HLCS: variants seen among roughly 807,000 people sequenced by gnomAD.
HLCS encodes the protein biotin--protein ligase.
Under a neutral mutation model 75.0 loss-of-function variants are expected in HLCS, and 53 were observed. The ratio of observed to expected loss-of-function variants is 0.71; its 90% confidence interval spans 0.57 to 0.89. The LOEUF is 0.89. Ranked by LOEUF, HLCS falls within the 40% of genes least tolerant of loss-of-function variation. The pLI is 0.00. For synonymous variants in HLCS, 431 were observed against 428.6 expected (o/e 1.01, Z -0.07); for missense variants, 966 against 1,074.0 (o/e 0.90, Z 1.41).
At chr21:36,843,713 T>A (rs2062697646) in intron 6 of HLCS, among the ~76,000 whole-genome samples, 1 of 152,058 alleles carries the variant, frequency 6.6e-6, no homozygotes, top group Admixed American at 6.6e-5. Flanking sequence ...TTCTAAAATG[T>A]CAAACTAGGC....
intron 5 of HLCS, among the ~76,000 whole-genome samples, chr21:36,929,737 A>C (rs1601776783): frequency 6.6e-6 from 1 of 152,348 alleles, no homozygotes; most frequent in Middle Eastern, 3.4e-3. Flanking sequence ...CCTGCCCAAA[A>C]CCAGGTATCA....
At chr21:36,887,368 C>T (rs1425340318) in intron 6 of HLCS, among the ~76,000 whole-genome samples, 1 of 152,162 alleles carries the variant, frequency 6.6e-6, no homozygotes, top group East Asian at 1.9e-4. Flanking sequence ...AAATAGAACA[C>T]ATTATCACTA....
chr21:36,856,049 C>T (rs2063180875), intron 6 of HLCS, among the ~76,000 whole-genome samples: 1 of 152,080 alleles, frequency 6.6e-6, no homozygotes, highest in Non-Finnish European at 1.5e-5. Flanking sequence ...GATGGTGACA[C>T]CCAGGGCTGG....
intron 6 of HLCS, among the ~76,000 whole-genome samples, chr21:36,871,880 A>G (rs8131323): frequency 0.49 from 74,072 of 152,060 alleles, 20,276 homozygotes; most frequent in African/African-American, 0.75. Flanking sequence ...TACAATAAGT[A>G]TAATCATCCT....
chr21:36,970,910 C>G (rs1212472047), upstream of HLCS, among the ~76,000 whole-genome samples: 2 of 150,976 alleles, frequency 1.3e-5, no homozygotes, highest in East Asian at 3.9e-4. Flanking sequence ...AGGAGAATGG[C>G]GTGAACCCAG....
At chr21:36,791,372 C>T (rs2060859027) in intron 6 of HLCS, among the ~76,000 whole-genome samples, 1 of 152,198 alleles carries the variant, frequency 6.6e-6, no homozygotes, top group African/African-American at 2.4e-5. Flanking sequence ...TGCTCACCAA[C>T]TGCCAAGTTC....
upstream of HLCS, chr21:36,968,449 A>G (rs983505744): frequency 2.2e-4 from 34 of 152,248 alleles, no homozygotes; most frequent in African/African-American, 8.0e-4. Flanking sequence ...GAGAAAATCC[A>G]AAAAGAAATA....
chr21:36,756,885 T>A, intron 9 of HLCS, 130 bp from the exon 10 acceptor site: 1 of 1,548,172 alleles, frequency 6.5e-7, no homozygotes, highest in Non-Finnish European at 8.7e-7. Context: ...AGATTTCGTG[T>A]CTCTAACCAC....
At chr21:36,754,621 G>A (rs1425838015) in intron 10 of HLCS, among the ~76,000 whole-genome samples, 1 of 152,182 alleles carries the variant, frequency 6.6e-6, no homozygotes, top group Non-Finnish European at 1.5e-5. Flanking sequence ...ATAACCAGCA[G>A]GATGCAAGTT....
intron 2 of HLCS, among the ~76,000 whole-genome samples, chr21:36,961,461 A>G: frequency 6.6e-6 from 1 of 152,140 alleles, no homozygotes; most frequent in South Asian, 2.1e-4. Flanking sequence ...TTGAGGCTTC[A>G]GTGAGCTATA....
chr21:36,914,717 G>A (rs2065857004), intron 5 of HLCS, among the ~76,000 whole-genome samples: 1 of 152,234 alleles, frequency 6.6e-6, no homozygotes, highest in African/African-American at 2.4e-5. Context: ...GAGAAAGCCA[G>A]GGTTGGCTCT....
rs149736764 is a variant in HLCS, at chr21:36,765,020, C to T, written c.2113G>A (p.Glu705Lys). Reference sequence around the variant, plus strand: ...GACTGAACTGTACCTACCTGATACTCGGGAATGGACCTCACTGCTTCCACG... The same window carrying T: ...GACTGAACTGTACCTACCTGATACTTGGGAATGGACCTCACTGCTTCCACG... The part of the protein sequence containing the change: ...AVVEAVRSIP[E>K]YQDINLRVKW... The change falls in exon 8 of 11, where the codon GAG (glutamate) becomes AAG (lysine). Residue 705 changes from glutamate to lysine, a missense_variant. By Grantham distance (56) the Glu-to-Lys change is moderately conservative. Coordinates refer to ENST00000674895, the MANE Select transcript of HLCS (RefSeq NM_001352514.2). 3,018 of 1,614,196 alleles carry T rather than the reference C, an allele frequency of 1.9e-3. 15 individuals are homozygous for T. The highest frequency in any genetic ancestry group is 0.012 in the Middle Eastern group (75 of 6,062).
chr21:36,754,697 G>A (rs1406145713), intron 10 of HLCS, among the ~76,000 whole-genome samples: 2 of 152,188 alleles, frequency 1.3e-5, no homozygotes, highest in Non-Finnish European at 2.9e-5. Context: ...TGCGGTGATG[G>A]CTGGAACCAC....
intron 5 of HLCS, among the ~76,000 whole-genome samples, chr21:36,913,462 T>C (rs2065804926): frequency 6.6e-6 from 1 of 152,058 alleles, no homozygotes; most frequent in Non-Finnish European, 1.5e-5. Flanking sequence ...GAGTGTTTGA[T>C]AAGAAAAACT....
chr21:36,908,400 A>G (rs2065555228), intron 5 of HLCS, among the ~76,000 whole-genome samples: 1 of 151,992 alleles, frequency 6.6e-6, no homozygotes, highest in Non-Finnish European at 1.5e-5. Flanking sequence ...TTAAAAAAAA[A>G]AAAAAAGAAT....
chr21:36,951,914 C>T (rs546822774), intron 2 of HLCS, among the ~76,000 whole-genome samples: 5 of 152,096 alleles, frequency 3.3e-5, no homozygotes, highest in South Asian at 4.2e-4. Context: ...AATGAATAAG[C>T]GAAAATATGA....
intron 6 of HLCS, among the ~76,000 whole-genome samples, chr21:36,867,677 G>A (rs914508258): frequency 6.6e-6 from 1 of 152,164 alleles, no homozygotes; most frequent in South Asian, 2.1e-4. Flanking sequence ...CTGTCAGCCT[G>A]GGTCTCTGAA....
At chr21:36,787,207 ACT>A (rs1421700391) in intron 6 of HLCS, among the ~76,000 whole-genome samples, 1 of 152,106 alleles carries the variant, frequency 6.6e-6, no homozygotes, top group Non-Finnish European at 1.5e-5. Flanking sequence ...TGCCACGTCC[ACT>A]CTGAGTGCAG....
chr21:36,820,367 ACGGC>A (rs200943340), intron 6 of HLCS, among the ~76,000 whole-genome samples: 1 of 152,088 alleles, frequency 6.6e-6, no homozygotes, highest in African/African-American at 2.4e-5. Flanking sequence ...CTGCCCAGCC[ACGGC>A]CGGGCCGCCG....
Sources: allele counts gnomAD v4.1 joint callset (sites outside exome capture counted in the v4.1 genomes callset), GRCh38; gene constraint gnomAD v4.1.1; transcripts MANE v1.5; gene names NCBI Gene and HGNC (gene_info 2026-07-23, HGNC 2026-07-21).